The following CEP112 variants were observed in gnomAD, a reference collection of about 807,000 sequenced individuals.
The protein encoded by CEP112 is centrosomal protein of 112 kDa.
A neutral mutation model predicts 153.0 loss-of-function variants in CEP112; 127 were observed. The observed-to-expected ratio is 0.83, with a 90% CI of 0.72 to 0.96. The LOEUF (loss-of-function observed/expected upper bound fraction) is 0.96, where lower values mean the gene tolerates loss of function less well. CEP112 is among the 40% of genes least tolerant of loss of function. CEP112 has a pLI of 0.00. For synonymous variants in CEP112, 358 were observed against 374.4 expected (o/e 0.96, Z 0.51); for missense variants, 1,089 against 1,101.2 (o/e 0.99, Z 0.16).
intron 6 of CEP112, among the ~76,000 whole-genome samples, chr17:66,096,933 T>C (rs2068371596): frequency 6.6e-6 from 1 of 152,116 alleles, no homozygotes; most frequent in South Asian, 2.1e-4. Context: ...CCACAATGAT[T>C]TATATTACCA....
intron 20 of CEP112, among the ~76,000 whole-genome samples, chr17:65,854,566 G>A (rs527506658): frequency 5.9e-5 from 9 of 152,294 alleles, no homozygotes; most frequent in Admixed American, 3.9e-4. Flanking sequence ...GGAGGTGATA[G>A]GATGTCCCAT....
At chr17:65,943,156 A>G (rs757083849) in intron 18 of CEP112, among the ~76,000 whole-genome samples, 2 of 152,204 alleles carry the variant, frequency 1.3e-5, no homozygotes, top group Non-Finnish European at 2.9e-5. Context: ...AAAGATAAAC[A>G]TTTATTTCTG....
At chr17:65,690,727 T>A (rs1567869482) in intron 23 of CEP112, among the ~76,000 whole-genome samples, 1 of 151,904 alleles carries the variant, frequency 6.6e-6, no homozygotes, top group Non-Finnish European at 1.5e-5. Flanking sequence ...GACTCCGAGA[T>A]GGTATGTTTG....
chr17:65,865,269 T>G (rs1195850124), intron 20 of CEP112, among the ~76,000 whole-genome samples: 2 of 152,230 alleles, frequency 1.3e-5, no homozygotes, highest in Admixed American at 1.3e-4. Flanking sequence ...CTGGAACTCC[T>G]GAGCTCAAGT....
intron 6 of CEP112, among the ~76,000 whole-genome samples, chr17:66,106,083 A>C (rs1476470603): frequency 6.6e-6 from 1 of 152,146 alleles, no homozygotes; most frequent in Non-Finnish European, 1.5e-5. Context: ...AAGGAAATAA[A>C]GAAGGAAAAT....
intron 21 of CEP112, among the ~76,000 whole-genome samples, chr17:65,783,415 T>C (rs1352509941): frequency 6.6e-6 from 1 of 152,194 alleles, no homozygotes; most frequent in Non-Finnish European, 1.5e-5. Flanking sequence ...AATTCTTATG[T>C]GACCCAGCAA....
chr17:65,990,798 C>G (rs2063567953), intron 17 of CEP112, among the ~76,000 whole-genome samples: 1 of 152,236 alleles, frequency 6.6e-6, no homozygotes, highest in Non-Finnish European at 1.5e-5. Flanking sequence ...GAGACACCAG[C>G]CAGAAAGGCT....
chr17:65,652,301 G>T (rs2045823444), intron 24 of CEP112, among the ~76,000 whole-genome samples: 1 of 152,032 alleles, frequency 6.6e-6, no homozygotes, highest in South Asian at 2.1e-4. Context: ...CCTAATCTGT[G>T]TGCTCCCAGA....
At chr17:66,167,726 G>A (rs1407113321) in intron 4 of CEP112, among the ~76,000 whole-genome samples, 2 of 152,198 alleles carry the variant, frequency 1.3e-5, no homozygotes, top group Non-Finnish European at 2.9e-5. Context: ...GAAATCATAA[G>A]GCCCTGCATT....
At chr17:66,005,886 G>C in intron 16 of CEP112, 117 bp from the exon 17 acceptor site, 1 of 844,806 alleles carries the variant, frequency 1.2e-6, no homozygotes, top group Non-Finnish European at 1.7e-6. Context: ...ATTAGATTTA[G>C]ATATTTCAAG....
At chr17:66,032,827 C>T (rs1225596472) in intron 12 of CEP112, among the ~76,000 whole-genome samples, 2 of 152,014 alleles carry the variant, frequency 1.3e-5, no homozygotes, top group African/African-American at 2.4e-5. Context: ...ATATATGAGA[C>T]ATCACACAAA....
chr17:66,051,675 T>C (rs1431322104), intron 12 of CEP112, among the ~76,000 whole-genome samples: 1 of 152,170 alleles, frequency 6.6e-6, no homozygotes, highest in East Asian at 1.9e-4. Context: ...AAGATATATG[T>C]GTCATACGCC....
chr17:65,719,521 G>A (rs2049746722), intron 23 of CEP112, among the ~76,000 whole-genome samples: 1 of 152,202 alleles, frequency 6.6e-6, no homozygotes, highest in Admixed American at 6.5e-5. Flanking sequence ...GGCAGAGGTT[G>A]TAGTGAGCTG....
chr17:65,701,768 A>T, intron 23 of CEP112, among the ~76,000 whole-genome samples: 1 of 152,118 alleles, frequency 6.6e-6, no homozygotes, highest in African/African-American at 2.4e-5. Context: ...TGTCCTGCTG[A>T]TCAATGACAA....
chr17:65,696,287 G>T (rs1291419535), intron 23 of CEP112, among the ~76,000 whole-genome samples: 2 of 152,172 alleles, frequency 1.3e-5, no homozygotes, highest in African/African-American at 4.8e-5. Context: ...TCATCATGAG[G>T]TCTCTGAGCA....
chr17:65,834,814 A>G (rs946146123), intron 21 of CEP112, among the ~76,000 whole-genome samples: 1 of 152,182 alleles, frequency 6.6e-6, no homozygotes, highest in Non-Finnish European at 1.5e-5. Flanking sequence ...TGAAAACAGA[A>G]CTACCATTCA....
At chr17:66,056,326 A>G (rs1355224350) in intron 11 of CEP112, among the ~76,000 whole-genome samples, 1 of 152,158 alleles carries the variant, frequency 6.6e-6, no homozygotes, top group Admixed American at 6.5e-5. Flanking sequence ...TGTGGAAAAC[A>G]CTTTGGCAGT....
At chr17:66,086,399 T>C in intron 8 of CEP112, among the ~76,000 whole-genome samples, 1 of 94,102 alleles carries the variant, frequency 1.1e-5, no homozygotes, top group African/African-American at 4.1e-5. Flanking sequence ...TTTTTTTTTT[T>C]TTTTTTTTTT....
intron 21 of CEP112, among the ~76,000 whole-genome samples, chr17:65,773,960 G>A (rs985423616): frequency 3.3e-5 from 5 of 151,932 alleles, no homozygotes; most frequent in African/African-American, 7.3e-5. Flanking sequence ...GGTGGCACAC[G>A]CCTGTAATCC....
Sources: gnomAD v4.1 joint callset for allele counts (sites outside exome capture counted in the v4.1 genomes callset) on GRCh38, gnomAD v4.1.1 for gene constraint, MANE v1.5 for transcripts, NCBI Gene and HGNC (gene_info 2026-07-23, HGNC 2026-07-21) for gene names.